PTPRE: variants seen among roughly 807,000 people sequenced by gnomAD.
The protein encoded by PTPRE is protein tyrosine phosphatase receptor type E.
A neutral mutation model predicts 102.0 loss-of-function variants in PTPRE; 51 were observed. That is an observed-to-expected ratio of 0.50 (90% CI 0.40 to 0.63). PTPRE has a LOEUF of 0.63. Among genes scored for constraint, PTPRE ranks in the 30% least tolerant of loss-of-function variants. PTPRE has a pLI of 0.00. For missense variants in PTPRE, 752 were observed against 915.1 expected (o/e 0.82, Z 2.30); for synonymous variants, 345 against 348.2 (o/e 0.99, Z 0.10).
chr10:127,986,280 C>T (rs1014681353), intron 2 of PTPRE, among the ~76,000 whole-genome samples: 1 of 152,260 alleles, frequency 6.6e-6, no homozygotes, highest in Non-Finnish European at 1.5e-5. Context: ...GACCAAAGTT[C>T]CTTCAACTGG....
chr10:127,946,387 A>ATTGCACCTGTGCACACTTGC (rs1554896645), intron 1 of PTPRE, among the ~76,000 whole-genome samples: 6 of 148,318 alleles, frequency 4.0e-5, no homozygotes, highest in South Asian at 2.2e-4. Flanking sequence ...AAGTAAGGAT[A>ATTGCACCTGTGCACACTTGC]TATATACAAG....
intron 7 of PTPRE, among the ~76,000 whole-genome samples, chr10:128,059,332 T>C (rs765181086): frequency 6.6e-6 from 1 of 152,196 alleles, no homozygotes; most frequent in Non-Finnish European, 1.5e-5. Flanking sequence ...TGACTGTCTC[T>C]CAGAGCTATA....
intron 1 of PTPRE, among the ~76,000 whole-genome samples, chr10:127,975,185 G>A (rs1047773008): frequency 6.6e-6 from 1 of 152,152 alleles, no homozygotes; most frequent in Non-Finnish European, 1.5e-5. Context: ...TGCTGTGTTG[G>A]AGCCCCGTGA....
intron 7 of PTPRE, among the ~76,000 whole-genome samples, chr10:128,060,392 C>A (rs903920649): frequency 1.3e-5 from 2 of 152,206 alleles, no homozygotes; most frequent in Non-Finnish European, 2.9e-5. Context: ...GCTCGCCTTC[C>A]AGCTCTGGGG....
chr10:128,027,608 T>C (rs1846377983), intron 2 of PTPRE, among the ~76,000 whole-genome samples: 1 of 152,212 alleles, frequency 6.6e-6, no homozygotes, highest in Non-Finnish European at 1.5e-5. Context: ...GGTCAGCGCC[T>C]GCATGACCAG....
chr10:128,038,048 G>A (rs4131743), intron 2 of PTPRE, among the ~76,000 whole-genome samples: 55,226 of 146,768 alleles, frequency 0.38, 10,773 homozygotes, highest in East Asian at 0.47. Flanking sequence ...TGATCCACCC[G>A]CCTCGGCCTC....
At chr10:127,969,548 A>G (rs1379154670) in intron 1 of PTPRE, among the ~76,000 whole-genome samples, 1 of 152,010 alleles carries the variant, frequency 6.6e-6, no homozygotes, top group Non-Finnish European at 1.5e-5. Context: ...CACACCTGTA[A>G]TCCCAGCTAC....
rs1326735523 is a variant in PTPRE at position 127,907,508 on chromosome 10, C to T, written c.-31+199C>T. Among the ~76,000 whole-genome samples, 2 of 151,924 alleles carry T rather than the reference C, an allele frequency of 1.3e-5. No homozygotes were observed. The highest frequency in any genetic ancestry group is 1.3e-4 in the Admixed American group (2 of 15,272). ...GCTGGGGCCCGTACGACCCCCGACCCCGGCCTGTGGCGCGTCCCCTCACCC... is the reference window on the plus strand; with the variant it reads ...GCTGGGGCCCGTACGACCCCCGACCTCGGCCTGTGGCGCGTCCCCTCACCC... On this transcript the variant is annotated intron_variant, in intron 1 of 20. Coordinates refer to ENST00000254667, the MANE Select transcript of PTPRE (RefSeq NM_006504.6). This position sits in a 1 kb window ranked among gnomAD's most constrained non-coding sequence, Gnocchi z 4.8.
In PTPRE at chr10:127,907,417, G is replaced by T; in HGVS notation, c.-31+108G>T. 1 of 846,182 alleles carries T rather than the reference G, an allele frequency of 1.2e-6. No individual in the cohort carries two copies. Among genetic ancestry groups the T allele is most frequent in the Non-Finnish European group, 1.4e-6 (1 of 703,820 alleles). The allele number at this position is 846,182 out of a possible 1,614,324, so 52.4% of individuals were successfully genotyped here. ...CTCGGCCGCTGCCGCGGGAGGGAGG[G>T]GCCGCTCCGGGGCTCAGAGTCCGGA... is the stretch of plus-strand genomic sequence containing the variant. On this transcript the variant is annotated intron_variant, in intron 1 of 20. Coordinates refer to ENST00000254667, the MANE Select transcript of PTPRE (RefSeq NM_006504.6). The surrounding 1 kb of genome is among the most constrained non-coding windows in gnomAD (Gnocchi z 4.8).
intron 1 of PTPRE, among the ~76,000 whole-genome samples, chr10:127,957,827 G>A (rs1321534002): frequency 3.3e-5 from 5 of 152,294 alleles, no homozygotes; most frequent in South Asian, 4.1e-4. Context: ...TTGTTTATCC[G>A]TGAACACGGA....
intron 1 of PTPRE, among the ~76,000 whole-genome samples, chr10:127,959,194 C>G (rs968905063): frequency 3.3e-5 from 5 of 152,356 alleles, no homozygotes; most frequent in Admixed American, 2.6e-4. Flanking sequence ...CCACGCCCGG[C>G]TGAAATTGCC....
At position 128,070,178 on chromosome 10, in the gene PTPRE, C is replaced by A. The variant is rs2136021697; in HGVS notation, c.1144-123C>A. ...GGCCGGTACTCTGACTCTTGCCTCA[C>A]ACCTCCTTGTGTTGGCAAAAAGAGA... is the stretch of plus-strand genomic sequence containing the variant. On this transcript the variant is annotated intron_variant, in intron 13 of 20. Coordinates refer to ENST00000254667, the MANE Select transcript of PTPRE (RefSeq NM_006504.6). The surrounding 1 kb of genome is among the most constrained non-coding windows in gnomAD (Gnocchi z 4.8). 11 of 1,191,050 alleles carry A rather than the reference C, an allele frequency of 9.2e-6. 1 individual carries two copies. In the South Asian group the frequency reaches 1.7e-4, roughly 18 times the overall value. 73.8% of individuals were successfully genotyped at this position (1,191,050 alleles called of 1,614,324 possible). A position where few individuals can be genotyped will look rare whatever the true frequency, so the allele number is the denominator to read the frequency against.
At chr10:128,009,194 G>C (rs1376721647) in intron 2 of PTPRE, among the ~76,000 whole-genome samples, 3 of 152,182 alleles carry the variant, frequency 2.0e-5, no homozygotes, top group Non-Finnish European at 2.9e-5. Context: ...ACTGAAAATT[G>C]GGGTCCCCTT....
chr10:128,026,056 C>A (rs1846265459), intron 2 of PTPRE, among the ~76,000 whole-genome samples: 1 of 152,172 alleles, frequency 6.6e-6, no homozygotes, highest in South Asian at 2.1e-4. Context: ...CTCCAGAAAC[C>A]CCAAAACAAC....
intron 2 of PTPRE, among the ~76,000 whole-genome samples, chr10:127,987,803 T>C (rs184936361): frequency 1.9e-4 from 29 of 152,356 alleles, no homozygotes; most frequent in African/African-American, 6.5e-4. Flanking sequence ...TTTTGTATCT[T>C]TGTAATCAAA....
Position 128,070,910 on chromosome 10 carries a change from C to G in PTPRE, c.1387+9C>G. 1.2e-6 allele frequency: 2 copies of G among 1,611,982 alleles called. No individual in the cohort carries two copies. The highest frequency in any genetic ancestry group is 1.7e-4 in the Middle Eastern group (1 of 6,026). ...CATCCAGATCATCCCGTGTAAGGCA[C>G]CCGTGGCGTGGCTTGGGCAGGGCTG... On this transcript the variant is annotated intron_variant, in intron 15 of 20. Coordinates refer to ENST00000254667, the MANE Select transcript of PTPRE (RefSeq NM_006504.6). This position sits in a 1 kb window ranked among gnomAD's most constrained non-coding sequence, Gnocchi z 4.8.
At position 127,942,040 on chromosome 10, in the gene PTPRE, GAA is replaced by G. The variant is rs10717350; in HGVS notation, c.-31+34741_-31+34742del. Reference sequence around the variant, plus strand: ...GAGCTGAATGTCTTTTTATCTCATAGAAAAAAAAAAATAGGTCAGCCTCCCCT... The same window carrying G: ...GAGCTGAATGTCTTTTTATCTCATAGAAAAAAAAATAGGTCAGCCTCCCCT... On this transcript the variant is annotated intron_variant, in intron 1 of 20. Coordinates refer to ENST00000254667, the MANE Select transcript of PTPRE (RefSeq NM_006504.6). 6.0e-3 allele frequency among the ~76,000 whole-genome samples: 894 copies of G among 148,990 alleles called. 7 individuals are homozygous for G. Among genetic ancestry groups the G allele is most frequent in the Admixed American group, 7.8e-3 (118 of 15,046 alleles).
chr10:127,962,581 A>T (rs1249571532), intron 1 of PTPRE, among the ~76,000 whole-genome samples: 1 of 152,188 alleles, frequency 6.6e-6, no homozygotes, highest in African/African-American at 2.4e-5. Context: ...CCTCCCGCTC[A>T]GTTCTGCATC....
intron 20 of PTPRE, among the ~76,000 whole-genome samples, chr10:128,080,244 C>T (rs1851580188): frequency 6.6e-6 from 1 of 152,202 alleles, no homozygotes; most frequent in Admixed American, 6.5e-5. Context: ...GAAGCGATTC[C>T]TCCTCACCAA....
Sources: allele counts gnomAD v4.1 joint callset (sites outside exome capture counted in the v4.1 genomes callset), GRCh38; gene constraint gnomAD v4.1.1; non-coding constraint Gnocchi (gnomAD v3.1); transcripts MANE v1.5; gene names NCBI Gene and HGNC (gene_info 2026-07-23, HGNC 2026-07-21).